IKBKE: variants seen among roughly 807,000 people sequenced by gnomAD.
IKBKE encodes the protein inhibitor of nuclear factor kappa-B kinase subunit epsilon.
A neutral mutation model predicts 92.1 loss-of-function variants in IKBKE; 45 were observed. The observed-to-expected ratio is 0.49, with a 90% CI of 0.38 to 0.63. The LOEUF is 0.63. Among genes scored for constraint, IKBKE ranks in the 20% least tolerant of loss-of-function variants. IKBKE has a pLI of 0.00. For missense variants in IKBKE, 700 were observed against 932.8 expected, an observed-to-expected ratio of 0.75 and a Z score of 3.25; for synonymous variants, 374 against 380.3, an observed-to-expected ratio of 0.98 and a Z score of 0.19.
In IKBKE at chr1:206,490,489, T is replaced by A. The variant is rs1553390022; in HGVS notation, c.1694-330T>A. On this transcript the variant is annotated intron_variant, in intron 16 of 21. Transcript: ENST00000581977. This position sits in a 1 kb window ranked among gnomAD's most constrained non-coding sequence, Gnocchi z 5.2. ...GAGGGTGCTGGATAAGGGGCTATGG[T>A]TGACCGAGCCTCCTTCTAAGCCCAC... 2.6e-4 allele frequency among the ~76,000 whole-genome samples: 39 copies of A among 152,158 alleles called. No individual in the cohort carries two copies. Among genetic ancestry groups the A allele is most frequent in the Non-Finnish European group, 2.9e-5 (2 of 68,020 alleles).
At chr1:206,471,117 G>A (rs1312940453) in intron 1 of IKBKE, 39 bp from the exon 2 acceptor site, 2 of 152,378 alleles carry the variant, frequency 1.3e-5, no homozygotes, top group Non-Finnish European at 2.9e-5. Flanking sequence ...CAACTGCACT[G>A]AGGGGCGCCT....
At chr1:206,492,680 C>T (rs1553390807) in intron 18 of IKBKE, 1 of 513,980 alleles carries the variant, frequency 1.9e-6, no homozygotes, top group Admixed American at 2.3e-5. Context: ...GTTCCCCACA[C>T]TGAGAGCCCT....
Position 206,496,380 on chromosome 1 carries a change from G to C in IKBKE, c.*235G>C. On this transcript the variant is annotated 3_prime_UTR_variant, in exon 22 of 22. Coordinates refer to ENST00000581977, the MANE Select transcript of IKBKE (RefSeq NM_014002.4). Reference sequence around the variant, plus strand: ...GTTGGGACCCACAGGAAAGAGTGTGGCAGCAACTGCCTGGCTGACCTTTCT... The same window carrying C: ...GTTGGGACCCACAGGAAAGAGTGTGCCAGCAACTGCCTGGCTGACCTTTCT... The C allele has an allele frequency of 1.8e-6, 1 of 546,192 alleles. No individual in the cohort carries two copies. The highest frequency in any genetic ancestry group is 2.3e-5 in the South Asian group (1 of 42,892). The allele number at this position is 546,192 out of a possible 1,614,324, so 33.8% of individuals were successfully genotyped here.
At chr1:206,486,446 G>A (rs563650196) in intron 15 of IKBKE, among the ~76,000 whole-genome samples, 3 of 142,488 alleles carry the variant, frequency 2.1e-5, no homozygotes, top group African/African-American at 7.4e-5. Context: ...GATGAAGGCT[G>A]CGGATCCCAG....
intron 16 of IKBKE, 46 bp downstream of exon 16, chr1:206,488,036 C>A (rs2103477804): frequency 7.1e-7 from 1 of 1,411,654 alleles, no homozygotes; most frequent in East Asian, 2.3e-5. Flanking sequence ...CTCTGTCTCC[C>A]TTCTTTCGCC....
At chr1:206,494,588 CTTTCTTT>C (rs1398993031) in intron 21 of IKBKE, among the ~76,000 whole-genome samples, 16 of 76,294 alleles carry the variant, frequency 2.1e-4, no homozygotes, top group African/African-American at 7.2e-4. Flanking sequence ...AGTAAAAGTT[CTTTCTTT>C]TTTTTTTTTT....
At chr1:206,482,640 G>A (rs1665467091) in intron 13 of IKBKE, among the ~76,000 whole-genome samples, 1 of 152,232 alleles carries the variant, frequency 6.6e-6, no homozygotes, top group African/African-American at 2.4e-5. Flanking sequence ...TGTGAGCAGG[G>A]AGCCAGAGGG....
chr1:206,490,901 G>T lies in IKBKE; in HGVS notation c.1733+43G>T, dbSNP rs376934858. 2.4e-5 allele frequency: 38 copies of T among 1,572,876 alleles called. No individual in the cohort carries two copies. Among genetic ancestry groups the T allele is most frequent in the Non-Finnish European group, 3.1e-5 (36 of 1,143,222 alleles). On this transcript the variant is annotated intron_variant, in intron 17 of 21. Transcript: ENST00000581977. The surrounding 1 kb of genome is among the most constrained non-coding windows in gnomAD (Gnocchi z 5.2). ...CGGCAGGTGGGTGGGCAGGAGGGTG[G>T]GTGTCCTCAGGGCAGAGCGATTCTC...
intron 16 of IKBKE, among the ~76,000 whole-genome samples, chr1:206,489,345 A>ATGTGTGTG (rs1312395366): frequency 8.4e-6 from 1 of 119,756 alleles, no homozygotes; most frequent in African/African-American, 3.1e-5. Context: ...ATGTGTGTAT[A>ATGTGTGTG]TGTGTGTGTG....
Position 206,485,442 on chromosome 1 carries a change from A to T in IKBKE, c.1616+136A>T. On this transcript the variant is annotated intron_variant, in intron 15 of 21. Transcript: ENST00000581977. The surrounding 1 kb of genome is among the most constrained non-coding windows in gnomAD (Gnocchi z 5.0). ...CAAGGGTGCTAGGGCATGGGGGAGT[A>T]GAGGGAGATCCAGCAATAAACAAGA... 1.6e-6 allele frequency: 1 copy of T among 624,494 alleles called. No homozygotes were observed. The highest frequency in any genetic ancestry group is 2.8e-5 in the East Asian group (1 of 36,092). 38.7% of individuals were successfully genotyped at this position (624,494 alleles called of 1,614,324 possible).
intron 8 of IKBKE, 50 bp downstream of exon 8, chr1:206,477,909 A>G (rs1553385881): frequency 1.2e-5 from 15 of 1,271,928 alleles, no homozygotes; most frequent in Non-Finnish European, 1.7e-5. Context: ...GCTGGGTGTC[A>G]CTTCTCTCTG....
chr1:206,492,575 G>C, intron 18 of IKBKE: 1 of 472,182 alleles, frequency 2.1e-6, no homozygotes, highest in Non-Finnish European at 4.4e-6. Flanking sequence ...TCCAACCCCT[G>C]ATTTAACAGC....
chr1:206,491,345 G>A lies in IKBKE; in HGVS notation c.1734-303G>A, dbSNP rs904459100. ...ACGCACTCACACACCTTCTTTCCAC[G>A]GCTGCCTCACTTTCCCTTCCCTTTC... On this transcript the variant is annotated intron_variant, in intron 17 of 21. Transcript: ENST00000581977. 48 of 381,912 alleles carry A rather than the reference G, an allele frequency of 1.3e-4. 1 individual carries two copies. The highest frequency in any genetic ancestry group is 5.9e-5 in the Non-Finnish European group (12 of 202,264). The allele number at this position is 381,912 out of a possible 1,614,324, so 23.7% of individuals were successfully genotyped here.
Position 206,478,893 on chromosome 1 carries a change from T to G in IKBKE, c.993-50T>G. The G allele has an allele frequency of 6.8e-7, 1 of 1,465,356 alleles. No individual in the cohort carries two copies. The highest frequency in any genetic ancestry group is 9.6e-7 in the Non-Finnish European group (1 of 1,045,012). The allele number at this position is 1,465,356 out of a possible 1,614,324, so 90.8% of individuals were successfully genotyped here. ...GCTTAGGTCACCCTAGCCCCCTGCC[T>G]TGCCTACTGACACCCCCTGCCCTCT... On this transcript the variant is annotated intron_variant, in intron 9 of 21. Transcript: ENST00000581977. The surrounding 1 kb of genome is among the most constrained non-coding windows in gnomAD (Gnocchi z 4.8).
At position 206,476,420 on chromosome 1, in the gene IKBKE, G is replaced by A. The variant is rs1665066745; in HGVS notation, c.540+58G>A. 1 of 1,524,214 alleles carries A rather than the reference G, an allele frequency of 6.6e-7. No individual in the cohort carries two copies. Among genetic ancestry groups the A allele is most frequent in the Non-Finnish European group, 8.9e-7 (1 of 1,118,542 alleles). 94.4% of individuals were successfully genotyped at this position (1,524,214 alleles called of 1,614,324 possible). On this transcript the variant is annotated intron_variant, in intron 6 of 21. Transcript: ENST00000581977. This position sits in a 1 kb window ranked among gnomAD's most constrained non-coding sequence, Gnocchi z 5.1. The stretch of plus-strand genomic sequence containing the variant: ...GCTGAGGGCTCCCCTTGCCTTGTGA[G>A]CCCCCCAGAGCCCCCATGAGGGGGT...
At chr1:206,479,766 G>C in intron 10 of IKBKE, 104 bp from the exon 11 acceptor site, 1 of 1,214,840 alleles carries the variant, frequency 8.2e-7, no homozygotes, top group South Asian at 1.3e-5. Context: ...GAAGCCTGAG[G>C]TGGGAGATTG....
chr1:206,496,049 T>C, intron 21 of IKBKE, 63 bp from the exon 22 acceptor site: 1 of 1,300,948 alleles, frequency 7.7e-7, no homozygotes, highest in African/African-American at 1.4e-5. Context: ...TGCTGGGCCC[T>C]GGAGTGTGGT....
rs1553390009 is a variant in IKBKE, at chr1:206,490,460, C to G, written c.1694-359C>G. The stretch of plus-strand genomic sequence containing the variant: ...CACCCAGCTGCAGGCATCAGTCACT[C>G]TGGGAGGGTGCTGGATAAGGGGCTA... On this transcript the variant is annotated intron_variant, in intron 16 of 21. Transcript: ENST00000581977. The surrounding 1 kb of genome is among the most constrained non-coding windows in gnomAD (Gnocchi z 5.2). Among the ~76,000 whole-genome samples the G allele has an allele frequency of 6.6e-6, 1 of 152,194 alleles. No homozygotes were observed. The highest frequency in any genetic ancestry group is 1.9e-4 in the East Asian group (1 of 5,194).
At position 206,493,268 on chromosome 1, in the gene IKBKE, C is replaced by A. The variant is rs144382861; in HGVS notation, c.1935C>A (p.Leu645=). ...AQGVQESLSK[L]LEELSHQLLQ... ...ACCAAAGTATGGCTTCCCTGCAGCT[C>A]CTGGAAGAGCTATCTCACCAGCTCC... The change falls in exon 20 of 22, where the codon CTC becomes CTA. Residue 645 remains leucine (L), a splice_region_variant and synonymous_variant. Transcript: ENST00000581977. 400 of 1,613,446 alleles carry A rather than the reference C, an allele frequency of 2.5e-4. 1 individual carries two copies. The African/African-American group carries it at 4.8e-3, about 19-fold the overall frequency.
Sources: allele counts gnomAD v4.1 joint callset (sites outside exome capture counted in the v4.1 genomes callset), GRCh38; gene constraint gnomAD v4.1.1; non-coding constraint Gnocchi (gnomAD v3.1); transcripts MANE v1.5; gene names NCBI Gene and HGNC (gene_info 2026-07-23, HGNC 2026-07-21).